PSD3: variants seen among roughly 807,000 people sequenced by gnomAD.
PSD3 encodes pleckstrin and Sec7 domain containing 3.
PSD3 carries 49 observed loss-of-function variants against 105.5 expected under a neutral mutation model. The ratio of observed to expected loss-of-function variants is 0.46; its 90% CI spans 0.37 to 0.59. The LOEUF is 0.59. PSD3 is among the 20% of genes least tolerant of loss of function. The pLI is 0.00. For synonymous variants in PSD3, 557 were observed against 457.8 expected (o/e 1.22, Z -2.77); for missense variants, 1,561 against 1,263.8 (o/e 1.24, Z -3.57).
chr8:18,710,703 A>G (rs950572131), intron 9 of PSD3, among the ~76,000 whole-genome samples: 4 of 151,624 alleles, frequency 2.6e-5, no homozygotes, highest in Admixed American at 6.6e-5. Context: ...TTTTTTTGAG[A>G]TGGAGTCTCT....
intron 14 of PSD3, among the ~76,000 whole-genome samples, chr8:18,557,168 T>C (rs1801132177): frequency 6.6e-6 from 1 of 152,254 alleles, no homozygotes; most frequent in African/African-American, 2.4e-5. Flanking sequence ...TCTTGCATTC[T>C]TGAAAATGTA....
At chr8:18,792,907 C>T (rs976158638) in intron 8 of PSD3, among the ~76,000 whole-genome samples, 3 of 152,070 alleles carry the variant, frequency 2.0e-5, no homozygotes, top group Non-Finnish European at 2.9e-5. Context: ...TTCACAATAG[C>T]GAAGACTTGG....
intron 11 of PSD3, among the ~76,000 whole-genome samples, chr8:18,629,905 C>T (rs552614133): frequency 6.8e-4 from 104 of 151,930 alleles, no homozygotes; most frequent in African/African-American, 2.5e-3. Context: ...GAATTATCTG[C>T]TAACATTAAT....
chr8:18,816,812 T>C (rs928742836), intron 4 of PSD3, among the ~76,000 whole-genome samples: 2 of 152,150 alleles, frequency 1.3e-5, no homozygotes, highest in Non-Finnish European at 2.9e-5. Flanking sequence ...TAATAAAGCA[T>C]CAACAGATGA....
intron 15 of PSD3, among the ~76,000 whole-genome samples, chr8:18,548,040 A>G (rs2130051689): frequency 6.6e-6 from 1 of 152,132 alleles, no homozygotes; most frequent in African/African-American, 2.4e-5. Flanking sequence ...TTTTTAACTG[A>G]CATGTTTTCA....
At chr8:18,537,394 G>A (rs1451017437) in intron 15 of PSD3, among the ~76,000 whole-genome samples, 1 of 152,136 alleles carries the variant, frequency 6.6e-6, no homozygotes, top group African/African-American at 2.4e-5. Flanking sequence ...TGAAAATATA[G>A]ATTATATGTA....
At chr8:19,002,868 C>T (rs1036630971) in intron 1 of PSD3, among the ~76,000 whole-genome samples, 2 of 152,022 alleles carry the variant, frequency 1.3e-5, no homozygotes, top group African/African-American at 2.4e-5. Flanking sequence ...ATAAAGCACA[C>T]CTGTAGGCAA....
chr8:19,071,048 T>G (rs34942200), intron 1 of PSD3, among the ~76,000 whole-genome samples: 5,343 of 152,010 alleles, frequency 0.035, 101 homozygotes, highest in Non-Finnish European at 0.041. Context: ...CTCTCCTCTC[T>G]CTTTCTTTTT....
At chr8:18,671,211 A>G (rs1799763780) in intron 9 of PSD3, among the ~76,000 whole-genome samples, 1 of 152,220 alleles carries the variant, frequency 6.6e-6, no homozygotes, top group Non-Finnish European at 1.5e-5. Flanking sequence ...AGTAAGTAGG[A>G]TGACTCCACT....
chr8:18,958,664 A>G (rs1174817082), intron 1 of PSD3, among the ~76,000 whole-genome samples: 1 of 152,194 alleles, frequency 6.6e-6, no homozygotes, highest in African/African-American at 2.4e-5. Context: ...CTCAATCAAT[A>G]TAATTTACCA....
chr8:19,020,286 C>T (rs1269014444), intron 1 of PSD3, among the ~76,000 whole-genome samples: 1 of 152,046 alleles, frequency 6.6e-6, no homozygotes, highest in Non-Finnish European at 1.5e-5. Flanking sequence ...ATAAGCAGTA[C>T]AGCGTCAGGA....
In PSD3 at chr8:18,529,152, T is replaced by C. The variant is rs1799537037; in HGVS notation, c.*6591A>G. 6.6e-6 allele frequency: 1 copy of C among 152,232 alleles called. No individual in the cohort carries two copies. Among genetic ancestry groups the C allele is most frequent in the Admixed American group, 6.5e-5 (1 of 15,286 alleles). 9.4% of individuals were successfully genotyped at this position (152,232 alleles called of 1,614,324 possible). On this transcript the variant is annotated 3_prime_UTR_variant, in exon 16 of 16. Transcript: ENST00000327040. ...GGACTTCACCCAGGCTACGGAGAGA[T>C]GCTGGAGAGCTGCTGCTTGTGAATT...
At chr8:18,633,742 G>T (rs537703896) in intron 10 of PSD3, among the ~76,000 whole-genome samples, 96 of 151,928 alleles carry the variant, frequency 6.3e-4, no homozygotes, top group Admixed American at 1.2e-3. Context: ...GTGTCTTTTT[G>T]GTGGAATGAT....
At chr8:18,563,966 A>C (rs937129928) in intron 14 of PSD3, among the ~76,000 whole-genome samples, 19 of 152,228 alleles carry the variant, frequency 1.2e-4, no homozygotes, top group African/African-American at 4.6e-4. Context: ...GACCCACTGC[A>C]AAGAGTTTTA....
chr8:18,790,553 TG>T (rs1489824052), intron 8 of PSD3, among the ~76,000 whole-genome samples: 1 of 152,074 alleles, frequency 6.6e-6, no homozygotes, highest in African/African-American at 2.4e-5. Flanking sequence ...CTGCCCACCT[TG>T]GCCTCCCAAA....
chr8:18,894,419 A>T (rs1377415650), intron 2 of PSD3, among the ~76,000 whole-genome samples: 2 of 152,282 alleles, frequency 1.3e-5, no homozygotes, highest in East Asian at 3.9e-4. Flanking sequence ...TCCAGACCTG[A>T]CATCTCCCCT....
At chr8:18,564,762 C>G (rs1014299431) in intron 14 of PSD3, among the ~76,000 whole-genome samples, 6 of 152,078 alleles carry the variant, frequency 3.9e-5, no homozygotes, top group Non-Finnish European at 8.8e-5. Flanking sequence ...ATCCCACTGC[C>G]CGTAAGGTCA....
At chr8:18,984,929 C>T (rs930299934) in intron 1 of PSD3, among the ~76,000 whole-genome samples, 2 of 152,016 alleles carry the variant, frequency 1.3e-5, no homozygotes, top group African/African-American at 4.8e-5. Context: ...CATCACGCTT[C>T]GCTTTTTTGT....
At chr8:18,973,881 C>G (rs1183737515) in intron 1 of PSD3, among the ~76,000 whole-genome samples, 1 of 152,126 alleles carries the variant, frequency 6.6e-6, no homozygotes, top group Non-Finnish European at 1.5e-5. Flanking sequence ...ATCTTTCTGT[C>G]CATTCTGAGG....
Sources: gnomAD v4.1 joint callset for allele counts (sites outside exome capture counted in the v4.1 genomes callset) on GRCh38, gnomAD v4.1.1 for gene constraint, MANE v1.5 for transcripts, NCBI Gene and HGNC (gene_info 2026-07-23, HGNC 2026-07-21) for gene names.